SND1: variants seen among roughly 807,000 people sequenced by gnomAD.
SND1 encodes the protein staphylococcal nuclease domain-containing protein 1.
Under a neutral mutation model 121.7 loss-of-function variants are expected in SND1, and 38 were observed. The ratio of observed to expected loss-of-function variants is 0.31; its 90% CI spans 0.24 to 0.41. The LOEUF is 0.41. Ranked by LOEUF, SND1 falls within the 10% of genes least tolerant of loss-of-function variation. SND1 has a pLI of 1.00. For synonymous variants in SND1, 401 were observed against 447.4 expected, an observed-to-expected ratio of 0.90 and a Z score of 1.31; for missense variants, 868 against 1,184.6, an observed-to-expected ratio of 0.73 and a Z score of 3.92.
intron 10 of SND1, among the ~76,000 whole-genome samples, chr7:127,794,928 C>T (rs1270394204): frequency 6.6e-6 from 1 of 152,194 alleles, no homozygotes; most frequent in Non-Finnish European, 1.5e-5. Context: ...CTGGTCCTTG[C>T]TGCCACCGGT....
intron 13 of SND1, among the ~76,000 whole-genome samples, chr7:127,895,469 C>G (rs1800100577): frequency 6.6e-6 from 1 of 152,022 alleles, no homozygotes; most frequent in African/African-American, 2.4e-5. Context: ...GGCTTCCGTT[C>G]TTTTTTAACT....
At chr7:127,660,861 C>T (rs573960810) in intron 1 of SND1, among the ~76,000 whole-genome samples, 2 of 152,152 alleles carry the variant, frequency 1.3e-5, no homozygotes, top group East Asian at 1.9e-4. Context: ...AACAGGTCAT[C>T]GCATCAGGAC....
chr7:128,090,635 C>G (rs886858532), intron 22 of SND1, among the ~76,000 whole-genome samples: 1 of 152,174 alleles, frequency 6.6e-6, no homozygotes, highest in Non-Finnish European at 1.5e-5. Context: ...CAAACACTTT[C>G]CTCCTCTTCA....
chr7:127,809,567 C>T (rs1798297122), intron 11 of SND1, among the ~76,000 whole-genome samples: 1 of 152,192 alleles, frequency 6.6e-6, no homozygotes, highest in African/African-American at 2.4e-5. Context: ...CCCTTCAGAC[C>T]TCTGCAGCTG....
intron 1 of SND1, among the ~76,000 whole-genome samples, chr7:127,680,440 C>A (rs1355038890): frequency 6.6e-6 from 1 of 152,062 alleles, no homozygotes; most frequent in Non-Finnish European, 1.5e-5. Context: ...ACAGTCTCGA[C>A]CGTAGAAAAC....
intron 11 of SND1, among the ~76,000 whole-genome samples, chr7:127,833,725 T>A (rs897072602): frequency 6.6e-6 from 1 of 151,996 alleles, no homozygotes; most frequent in Admixed American, 6.6e-5. Context: ...AAAATAAAAT[T>A]TACCTTCTTA....
chr7:127,777,797 C>T (rs887557832), intron 10 of SND1, among the ~76,000 whole-genome samples: 1 of 152,050 alleles, frequency 6.6e-6, no homozygotes, highest in East Asian at 1.9e-4. Context: ...TTGCCTTAGC[C>T]TCTTGAATAG....
At chr7:127,887,689 C>T (rs1799938304) in intron 12 of SND1, among the ~76,000 whole-genome samples, 1 of 151,252 alleles carries the variant, frequency 6.6e-6, no homozygotes, top group Non-Finnish European at 1.5e-5. Context: ...TAGCATCTGA[C>T]TGTACTAACC....
chr7:127,900,891 A>G (rs958767762), intron 13 of SND1, among the ~76,000 whole-genome samples: 1 of 152,126 alleles, frequency 6.6e-6, no homozygotes, highest in South Asian at 2.1e-4. Context: ...GTTCTGCCCC[A>G]CTGTTTCCTT....
In SND1 at chr7:128,030,736, T is replaced by A. The variant is rs112291805; in HGVS notation, c.1779+39680T>A. The A allele has an allele frequency of 3.2e-3, 4,573 of 1,431,848 alleles. 20 individuals are homozygous for A. Among genetic ancestry groups the A allele is most frequent in the Non-Finnish European group, 3.1e-3 (3,307 of 1,066,282 alleles). The allele number at this position is 1,431,848 out of a possible 1,614,324, so 88.7% of individuals were successfully genotyped here. On this transcript the variant is annotated intron_variant, in intron 16 of 23. Transcript: ENST00000354725. ...CTTAAGTGAGCTAGGAGCTCCTCTT[T>A]CCATCTGGAGAAGGAGGTGGGGAGG...
At position 127,762,634 on chromosome 7, in the gene SND1, G is replaced by T. The variant is rs143333972; in HGVS notation, c.1152+41234G>T. Among the ~76,000 whole-genome samples, 684 of 152,326 alleles carry T rather than the reference G, an allele frequency of 4.5e-3. 5 individuals carry two copies. The highest frequency in any genetic ancestry group is 0.016 in the African/African-American group (651 of 41,566). On this transcript the variant is annotated intron_variant, in intron 10 of 23. Transcript: ENST00000354725. ...GACAGTTACCTAAACATAGTTGGCA[G>T]CTTAGTCTAGTAGAGAGAATACTTT...
chr7:127,696,631 G>T (rs1172890179), intron 3 of SND1, among the ~76,000 whole-genome samples: 1 of 152,178 alleles, frequency 6.6e-6, no homozygotes, highest in African/African-American at 2.4e-5. Flanking sequence ...ACAGATAATT[G>T]TGGGCACAGA....
At chr7:127,670,818 C>G (rs565059613) in intron 1 of SND1, among the ~76,000 whole-genome samples, 1 of 149,596 alleles carries the variant, frequency 6.7e-6, no homozygotes, top group East Asian at 1.9e-4. Flanking sequence ...AGCCATAGAT[C>G]ACGTTTATAT....
intron 18 of SND1, among the ~76,000 whole-genome samples, chr7:128,082,615 G>C (rs1793624596): frequency 6.6e-6 from 1 of 152,200 alleles, no homozygotes; most frequent in Admixed American, 6.5e-5. Context: ...CCACAGTCCT[G>C]CTGAAAGCTG....
At chr7:127,919,553 T>C (rs1800655707) in intron 14 of SND1, among the ~76,000 whole-genome samples, 1 of 152,190 alleles carries the variant, frequency 6.6e-6, no homozygotes, top group Admixed American at 6.5e-5. Context: ...GTTAAGTTAT[T>C]GTTTAATCCT....
intron 1 of SND1, among the ~76,000 whole-genome samples, chr7:127,653,057 G>A (rs112785088): frequency 0.026 from 3,994 of 152,290 alleles, 83 homozygotes; most frequent in Non-Finnish European, 0.038. Flanking sequence ...GTCCCTTAAA[G>A]ATAAGGAGAT....
intron 16 of SND1, among the ~76,000 whole-genome samples, chr7:128,073,458 A>G (rs1793449847): frequency 6.6e-6 from 1 of 152,040 alleles, no homozygotes; most frequent in Non-Finnish European, 1.5e-5. Context: ...CCTCCCCGCT[A>G]CCTTCTCTCT....
Position 128,092,327 on chromosome 7 carries a change from T to TAAA in SND1, c.*269_*270insAAA. On this transcript the variant is annotated 3_prime_UTR_variant, in exon 24 of 24. Coordinates refer to ENST00000354725, the MANE Select transcript of SND1 (RefSeq NM_014390.4). This position sits in a 1 kb window ranked among gnomAD's most constrained non-coding sequence, Gnocchi z 4.9. ...TTATTTGGAGGTTTGTGGGCTTTTT[T>TAAA]TAAAAAAAAAAAGTCCTCAAATCAG... 1 of 443,962 alleles carries TAAA rather than the reference T, an allele frequency of 2.3e-6. No individual in the cohort carries two copies. Among genetic ancestry groups the TAAA allele is most frequent in the Non-Finnish European group, 4.1e-6 (1 of 246,702 alleles). 27.5% of individuals were successfully genotyped at this position (443,962 alleles called of 1,614,324 possible).
intron 10 of SND1, among the ~76,000 whole-genome samples, chr7:127,798,590 T>C (rs1249710307): frequency 6.6e-6 from 1 of 152,204 alleles, no homozygotes; most frequent in East Asian, 1.9e-4. Context: ...TTTTTTTAAT[T>C]GAACTATTTT....
Sources: gnomAD v4.1 joint callset for allele counts (sites outside exome capture counted in the v4.1 genomes callset) on GRCh38, gnomAD v4.1.1 for gene constraint, Gnocchi (gnomAD v3.1) non-coding constraint, MANE v1.5 for transcripts, NCBI Gene and HGNC (gene_info 2026-07-23, HGNC 2026-07-21) for gene names.